Variants in UIMC1 observed in about 807,000 individuals in gnomAD.
UIMC1 encodes the protein BRCA1-A complex subunit RAP80.
Under a neutral mutation model 84.9 loss-of-function variants are expected in UIMC1, and 42 were observed. The observed-to-expected ratio is 0.49, with a 90% CI of 0.39 to 0.64. UIMC1 has a LOEUF of 0.64. Among genes scored for constraint, UIMC1 ranks in the 30% least tolerant of loss-of-function variants. The pLI is 0.00. For missense variants in UIMC1, 825 were observed against 847.6 expected (o/e 0.97, Z 0.33); for synonymous variants, 281 against 293.0 (o/e 0.96, Z 0.42).
chr5:176,916,464 G>C (rs917461490), intron 10 of UIMC1, among the ~76,000 whole-genome samples: 2 of 152,182 alleles, frequency 1.3e-5, no homozygotes, highest in Non-Finnish European at 2.9e-5. Flanking sequence ...GGCACTCACT[G>C]GCTTTAGAGT....
chr5:176,954,563 C>T (rs910535226), intron 8 of UIMC1, among the ~76,000 whole-genome samples: 7 of 151,658 alleles, frequency 4.6e-5, no homozygotes, highest in African/African-American at 1.5e-4. Context: ...ACCAAGACCT[C>T]GTCTCTACTA....
At chr5:177,001,951 CAAAAAAAAAAA>C (rs34048093) in intron 1 of UIMC1, 1 of 62,552 alleles carries the variant, frequency 1.6e-5, no homozygotes, top group Non-Finnish European at 3.1e-5. Flanking sequence ...CTCTGTTTCC[CAAAAAAAAAAA>C]AAAAAAAAAA....
chr5:176,923,114 T>G (rs1761907831), intron 10 of UIMC1, among the ~76,000 whole-genome samples: 1 of 152,206 alleles, frequency 6.6e-6, no homozygotes. Flanking sequence ...TTGTAAAGAT[T>G]TCTATTTAGG....
chr5:176,995,319 T>C (rs1194293809), intron 1 of UIMC1, among the ~76,000 whole-genome samples: 1 of 149,886 alleles, frequency 6.7e-6, no homozygotes, highest in African/African-American at 2.5e-5. Context: ...GAGGTCGAGA[T>C]AGGCAGATTG....
chr5:176,969,892 A>G, intron 4 of UIMC1, 186 bp from the exon 5 acceptor site: 1 of 544,514 alleles, frequency 1.8e-6, no homozygotes, highest in Non-Finnish European at 3.2e-6. Context: ...CTAGATCACT[A>G]TACTAAACCC....
Position 176,969,100 on chromosome 5 carries a change from T to G in UIMC1, c.655A>C (p.Arg219=). The G allele has an allele frequency of 6.2e-7, 1 of 1,614,216 alleles. No individual in the cohort carries two copies. Among genetic ancestry groups the G allele is most frequent in the Non-Finnish European group, 8.5e-7 (1 of 1,180,034 alleles). ...TGCTCAGCCGAGTGGCCAGTACATC[T>G]GTCAAAAGATTTAACGTTCACATTC... ...FENVNVKSFD[R]CTGHSAEHTQ... Residue 219 remains arginine, a synonymous_variant, in exon 6 of 15, where the codon AGA becomes CGA. Transcript: ENST00000511320.
At chr5:176,990,420 T>C (rs1581669987) in intron 1 of UIMC1, among the ~76,000 whole-genome samples, 3 of 152,060 alleles carry the variant, frequency 2.0e-5, no homozygotes, top group South Asian at 2.1e-4. Context: ...ACAAAAAAAA[T>C]TGTATTGTTT....
chr5:176,958,230 A>G lies in UIMC1; in HGVS notation c.1201-76T>C. 9 of 1,257,820 alleles carry G rather than the reference A, an allele frequency of 7.2e-6. No individual in the cohort carries two copies. In the South Asian group the frequency reaches 1.3e-4, roughly 18 times the overall value. The allele number at this position is 1,257,820 out of a possible 1,614,324, so 77.9% of individuals were successfully genotyped here. A position where few individuals can be genotyped will look rare whatever the true frequency, so the allele number is the denominator to read the frequency against. On this transcript the variant is annotated intron_variant, in intron 6 of 14. Coordinates refer to ENST00000511320, the MANE Select transcript of UIMC1 (RefSeq NM_001199298.2). ...TTCTCTTCCTTTTTTAAAAAAATTT[A>G]ATTGTTCAATGTTCTCCCTCAACAA...
intron 2 of UIMC1, among the ~76,000 whole-genome samples, chr5:176,981,180 T>C (rs1387665683): frequency 6.8e-6 from 1 of 147,758 alleles, no homozygotes; most frequent in Non-Finnish European, 1.5e-5. Flanking sequence ...AGTCTCCCTC[T>C]GTCACCCAGG....
chr5:176,987,971 C>G (rs536494656), intron 1 of UIMC1, among the ~76,000 whole-genome samples: 2 of 151,544 alleles, frequency 1.3e-5, no homozygotes, highest in Admixed American at 6.6e-5. Flanking sequence ...ACAAAAAATA[C>G]GAAATGTAGC....
chr5:176,946,928 T>G (rs1195667112), intron 9 of UIMC1, among the ~76,000 whole-genome samples: 1 of 152,186 alleles, frequency 6.6e-6, no homozygotes, highest in Non-Finnish European at 1.5e-5. Context: ...AAGTAGTCTT[T>G]AATTACTTAA....
At chr5:176,960,249 C>T (rs890575303) in intron 6 of UIMC1, among the ~76,000 whole-genome samples, 5 of 152,188 alleles carry the variant, frequency 3.3e-5, no homozygotes, top group South Asian at 2.1e-4. Context: ...AAAATCCACA[C>T]GCTAAAAACT....
intron 1 of UIMC1, among the ~76,000 whole-genome samples, chr5:177,000,465 G>A (rs1294652774): frequency 2.7e-5 from 4 of 146,612 alleles, no homozygotes; most frequent in Admixed American, 6.8e-5. Flanking sequence ...AATGTTGAAC[G>A]CCTTTTCATA....
At position 176,963,848 on chromosome 5, in the gene UIMC1, T is replaced by TAA. The variant is rs113881796; in HGVS notation, c.1200+4705_1200+4706dup. Among the ~76,000 whole-genome samples, 1,354 of 144,940 alleles carry TAA rather than the reference T, an allele frequency of 9.3e-3. 6 individuals carry two copies. The highest frequency in any genetic ancestry group is 0.025 in the South Asian group (117 of 4,624). On this transcript the variant is annotated intron_variant, in intron 6 of 14. Coordinates refer to ENST00000511320, the MANE Select transcript of UIMC1 (RefSeq NM_001199298.2). ...CCCCACACAATCTGGTCATTTCTGA[T>TAA]AAAAAAAAAAAAATTCCAATATCCG... is the stretch of plus-strand genomic sequence containing the variant.
rs777368411 is a variant in UIMC1 at position 176,968,759 on chromosome 5, G to C, written c.996C>G (p.Ile332Met). Residue 332 changes from isoleucine to methionine, a missense_variant, in exon 6 of 15, where the codon ATC (isoleucine) becomes ATG (methionine). Physicochemically the swap from Ile to Met is conservative, Grantham distance 10. Transcript: ENST00000511320. ...EPVLPRPPSL[I>M]QNECGQGEQA... ...GCTCTCCTTGGCCACATTCATTCTG[G>C]ATCAGAGAAGGAGGTCTAGGTAACA... The C allele has an allele frequency of 6.2e-7, 1 of 1,614,070 alleles. No homozygotes were observed. The highest frequency in any genetic ancestry group is 8.5e-7 in the Non-Finnish European group (1 of 1,180,032).
intron 10 of UIMC1, among the ~76,000 whole-genome samples, chr5:176,939,447 T>G (rs138349799): frequency 3.9e-5 from 6 of 152,152 alleles, no homozygotes; most frequent in African/African-American, 1.4e-4. Flanking sequence ...GGACCATCTA[T>G]ATGATGGGGG....
chr5:176,915,295 T>C (rs1179113464), intron 10 of UIMC1, among the ~76,000 whole-genome samples: 1 of 151,384 alleles, frequency 6.6e-6, no homozygotes, highest in Non-Finnish European at 1.5e-5. Context: ...ACAGATTAAA[T>C]GCTAATAAAT....
intron 2 of UIMC1, among the ~76,000 whole-genome samples, chr5:176,978,561 G>GC (rs1770515390): frequency 1.3e-5 from 2 of 150,928 alleles, no homozygotes; most frequent in South Asian, 2.1e-4. Flanking sequence ...AGGCCATAGC[G>GC]CCCCCCAAAA....
chr5:177,004,107 G>C (rs1281309758), intron 1 of UIMC1, among the ~76,000 whole-genome samples: 2 of 152,162 alleles, frequency 1.3e-5, no homozygotes, highest in Admixed American at 1.3e-4. Flanking sequence ...GGGATTACAT[G>C]TACCATATAC....
Sources: gnomAD v4.1 joint callset for allele counts (sites outside exome capture counted in the v4.1 genomes callset) on GRCh38, gnomAD v4.1.1 for gene constraint, MANE v1.5 for transcripts, NCBI Gene and HGNC (gene_info 2026-07-23, HGNC 2026-07-21) for gene names.